The following RAB3GAP2 variants were observed in gnomAD, a reference collection of about 807,000 sequenced individuals.
RAB3GAP2 encodes the protein RAB3 GTPase activating non-catalytic protein subunit 2.
RAB3GAP2 carries 87 observed loss-of-function variants against 185.3 expected under a neutral mutation model. The observed-to-expected ratio is 0.47, with a 90% CI of 0.39 to 0.56. RAB3GAP2 has a LOEUF of 0.56. RAB3GAP2 is among the 20% of genes least tolerant of loss of function. The pLI, the probability that RAB3GAP2 is intolerant of heterozygous loss-of-function variation, is 0.00. For missense variants in RAB3GAP2, 1,492 were observed against 1,638.2 expected (o/e 0.91, Z 1.54); for synonymous variants, 554 against 576.1 (o/e 0.96, Z 0.55).
chr1:220,252,012 C>T (rs760854520), intron 1 of RAB3GAP2, among the ~76,000 whole-genome samples: 2 of 151,858 alleles, frequency 1.3e-5, no homozygotes, highest in Non-Finnish European at 2.9e-5. Context: ...AGTAGCTGGA[C>T]ATGGTGGCAC....
chr1:220,214,610 A>T (rs1477616895), intron 2 of RAB3GAP2, among the ~76,000 whole-genome samples: 2 of 152,076 alleles, frequency 1.3e-5, no homozygotes, highest in African/African-American at 4.8e-5. Flanking sequence ...TTACAAAGAG[A>T]TAGCTAGACA....
rs1196454565 is a variant in RAB3GAP2 at position 220,172,492 on chromosome 1, T to A, written c.2416+145A>T. The A allele has an allele frequency of 7.9e-6, 5 of 635,462 alleles. No individual in the cohort carries two copies. The Admixed American group carries it at 1.5e-4, about 19-fold the overall frequency. The allele number at this position is 635,462 out of a possible 1,614,324, so 39.4% of individuals were successfully genotyped here. ...CATAAGTCAAATGCATTAAGAGTAT[T>A]CTATTAATACATAAAAGAATCTCTA... is the stretch of plus-strand genomic sequence containing the variant. On this transcript the variant is annotated intron_variant, in intron 22 of 34. Transcript: ENST00000358951.
At chr1:220,264,032 C>T (rs1231490275) in intron 1 of RAB3GAP2, among the ~76,000 whole-genome samples, 7 of 151,846 alleles carry the variant, frequency 4.6e-5, no homozygotes. Flanking sequence ...TACCCACCGA[C>T]ATCCATTAAA....
intron 24 of RAB3GAP2, among the ~76,000 whole-genome samples, chr1:220,168,937 C>T (rs931944045): frequency 2.0e-5 from 3 of 152,104 alleles, no homozygotes; most frequent in Admixed American, 6.6e-5. Flanking sequence ...AAATAAAAAC[C>T]TTTCCACAAA....
chr1:220,151,102 T>C lies in RAB3GAP2; in HGVS notation c.*149A>G, dbSNP rs1433215266. 3.7e-6 allele frequency: 3 copies of C among 804,770 alleles called. No individual in the cohort carries two copies. The highest frequency in any genetic ancestry group is 5.7e-6 in the Non-Finnish European group (3 of 522,946). The allele number at this position is 804,770 out of a possible 1,614,324, so 49.9% of individuals were successfully genotyped here. A position where few individuals can be genotyped will look rare whatever the true frequency, so the allele number is the denominator to read the frequency against. ...GTGGAATTTAGCCAGGGTTGCACTTTTTAAAAGTTGTATATACTTTTATTT... is the reference window on the plus strand; with the variant it reads ...GTGGAATTTAGCCAGGGTTGCACTTCTTAAAAGTTGTATATACTTTTATTT... On this transcript the variant is annotated 3_prime_UTR_variant, in exon 35 of 35. Coordinates refer to ENST00000358951, the MANE Select transcript of RAB3GAP2 (RefSeq NM_012414.4).
chr1:220,162,176 T>A, intron 28 of RAB3GAP2, 22 bp downstream of exon 28: 1 of 1,480,664 alleles, frequency 6.8e-7, no homozygotes, highest in South Asian at 1.1e-5. Flanking sequence ...AAATAAGAAG[T>A]CAATACATGA....
rs532235118 is a variant in RAB3GAP2, at chr1:220,224,583, G to A, written c.180+8216C>T. Among the ~76,000 whole-genome samples the A allele has an allele frequency of 3.3e-5, 5 of 152,112 alleles. No homozygotes were observed. In the South Asian group the frequency reaches 1.0e-3, roughly 32 times the overall value. ...TCTATTTGGTCTCTAGGTAAACAGG[G>A]TAAATTAAACACATGAATTTTACTC... On this transcript the variant is annotated intron_variant, in intron 2 of 34. Coordinates refer to ENST00000358951, the MANE Select transcript of RAB3GAP2 (RefSeq NM_012414.4).
At chr1:220,226,746 G>A (rs1007518420) in intron 2 of RAB3GAP2, among the ~76,000 whole-genome samples, 1 of 152,112 alleles carries the variant, frequency 6.6e-6, no homozygotes, top group Non-Finnish European at 1.5e-5. Flanking sequence ...ACTTGCCAAT[G>A]TACTGACTTG....
intron 12 of RAB3GAP2, 89 bp downstream of exon 12, chr1:220,194,989 T>A: frequency 7.7e-7 from 1 of 1,294,058 alleles, no homozygotes; most frequent in Non-Finnish European, 1.1e-6. Flanking sequence ...AAAGACAAGA[T>A]CAGCAAATCA....
At chr1:220,177,884 A>ATG (rs1392628632) in intron 21 of RAB3GAP2, among the ~76,000 whole-genome samples, 7 of 152,314 alleles carry the variant, frequency 4.6e-5, no homozygotes, top group African/African-American at 1.7e-4. Flanking sequence ...ACAAAGGAGT[A>ATG]GAACGTTTAC....
chr1:220,153,973 G>T lies in RAB3GAP2; in HGVS notation c.3640C>A (p.Gln1214Lys). Residue 1214 changes from glutamine (Q) to lysine (K), a missense_variant, in exon 32 of 35, where the codon CAA (glutamine) becomes AAA (lysine). Physicochemically the swap from Gln to Lys is moderately conservative, Grantham distance 53. Around this residue, in one of 5 missense-constraint regions of RAB3GAP2, gnomAD observed 387 missense variants for 455.3 expected, o/e 0.85. Coordinates refer to ENST00000358951, the MANE Select transcript of RAB3GAP2 (RefSeq NM_012414.4). ...EMDPNFISVRQQFLLKVVSAA... is the reference protein window; with the variant it reads ...EMDPNFISVRKQFLLKVVSAA... ...ATCCAATAGCTATAATTTACCTGTTGTCGTACAGAAATAAAATTTGGATCC... is the reference window on the plus strand; with the variant it reads ...ATCCAATAGCTATAATTTACCTGTTTTCGTACAGAAATAAAATTTGGATCC... The T allele has an allele frequency of 8.1e-6, 13 of 1,612,922 alleles. No individual in the cohort carries two copies. Among genetic ancestry groups the T allele is most frequent in the Non-Finnish European group, 1.1e-5 (13 of 1,179,554 alleles).
intron 1 of RAB3GAP2, among the ~76,000 whole-genome samples, chr1:220,256,350 A>T (rs1293065747): frequency 6.6e-6 from 1 of 152,246 alleles, no homozygotes; most frequent in South Asian, 2.1e-4. Context: ...CATATAAACA[A>T]GTCTGCAAAA....
chr1:220,213,008 T>A, intron 3 of RAB3GAP2, 40 bp from the exon 4 acceptor site: 1 of 1,421,748 alleles, frequency 7.0e-7, no homozygotes, highest in Non-Finnish European at 9.7e-7. Context: ...ATTTTAGCTA[T>A]AATACACTAA....
chr1:220,163,399 C>T (rs1220884218), intron 27 of RAB3GAP2, among the ~76,000 whole-genome samples: 2 of 146,906 alleles, frequency 1.4e-5, no homozygotes, highest in Admixed American at 1.4e-4. Flanking sequence ...CGGAGTCTCT[C>T]TCTCCCAGGC....
In RAB3GAP2 at chr1:220,193,358, T is replaced by C; in HGVS notation, c.1152A>G (p.Arg384=). 6.2e-7 allele frequency: 1 copy of C among 1,613,936 alleles called. No homozygotes were observed. The highest frequency in any genetic ancestry group is 8.5e-7 in the Non-Finnish European group (1 of 1,179,960). ...ACAGACATATGCTTTCACCATGGCG[T>C]CTAGAATCTGGAAGTCCAAATCTGA... ...LAVRFGLPDS[R]RHGESICLSP... is the part of the protein sequence containing the mutation. Residue 384 remains arginine, a synonymous_variant, in exon 13 of 35, where the codon AGA becomes AGG. Coordinates refer to ENST00000358951, the MANE Select transcript of RAB3GAP2 (RefSeq NM_012414.4).
intron 9 of RAB3GAP2, among the ~76,000 whole-genome samples, chr1:220,198,611 T>C (rs1202739090): frequency 6.6e-6 from 1 of 152,174 alleles, no homozygotes; most frequent in African/African-American, 2.4e-5. Flanking sequence ...TTCCAAAATA[T>C]TTGTATCTCA....
chr1:220,154,092 T>G, intron 31 of RAB3GAP2, 35 bp from the exon 32 acceptor site: 1 of 1,610,760 alleles, frequency 6.2e-7, no homozygotes, highest in South Asian at 1.1e-5. Context: ...CTGATGAGTG[T>G]GGATTATTAA....
At chr1:220,163,956 G>T (rs562303826) in intron 27 of RAB3GAP2, among the ~76,000 whole-genome samples, 1 of 151,722 alleles carries the variant, frequency 6.6e-6, no homozygotes, top group African/African-American at 2.4e-5. Context: ...CTCTTACCCA[G>T]CCTAACACCA....
intron 7 of RAB3GAP2, among the ~76,000 whole-genome samples, chr1:220,209,084 G>A (rs1228546120): frequency 1.3e-5 from 2 of 152,074 alleles, no homozygotes; most frequent in East Asian, 3.9e-4. Flanking sequence ...CTCCCACCCA[G>A]CACTCCACAT....
Sources: gnomAD v4.1 joint callset for allele counts (sites outside exome capture counted in the v4.1 genomes callset) on GRCh38, gnomAD v4.1.1 for gene constraint, gnomAD v4.1.1 regional missense constraint, MANE v1.5 for transcripts, NCBI Gene and HGNC (gene_info 2026-07-23, HGNC 2026-07-21) for gene names.